The following PCDHGB3 variants were observed in gnomAD, a reference collection of about 807,000 sequenced individuals.
The protein encoded by PCDHGB3 is protocadherin gamma-B3.
PCDHGB3 carries 40 observed loss-of-function variants against 59.2 expected under a neutral mutation model. The observed-to-expected ratio is 0.68, with a 90% CI of 0.52 to 0.88. PCDHGB3 has a LOEUF of 0.88. Among genes scored for constraint, PCDHGB3 ranks in the 40% least tolerant of loss-of-function variants. The pLI is 0.00. For missense variants in PCDHGB3, 1,309 were observed against 1,187.9 expected (o/e 1.10, Z -1.50); for synonymous variants, 581 against 503.6 (o/e 1.15, Z -2.06).
intron 1 of PCDHGB3, chr5:141,428,285 C>G (rs765814584): frequency 1.1e-5 from 8 of 734,934 alleles, no homozygotes; most frequent in Non-Finnish European, 1.7e-5. Context: ...GATTCCCAAG[C>G]AAAGCTGCAG....
At chr5:141,418,904 A>C (rs2096300166) in intron 1 of PCDHGB3, 1 of 1,613,998 alleles carries the variant, frequency 6.2e-7, no homozygotes, top group Admixed American at 1.7e-5. Context: ...AGAAATAATC[A>C]TCACGTCACT....
chr5:141,441,631 C>A, intron 1 of PCDHGB3: 2 of 226,308 alleles, frequency 8.8e-6, no homozygotes, highest in Non-Finnish European at 1.8e-5. Context: ...GACCTGGAGC[C>A]ACAGGCGCTG....
At chr5:141,419,576 G>A (rs958064613) in intron 1 of PCDHGB3, 10 of 1,611,766 alleles carry the variant, frequency 6.2e-6, no homozygotes, top group Non-Finnish European at 6.8e-6. Flanking sequence ...CGACGGCTCC[G>A]CGCTCTTCGA....
In PCDHGB3 at chr5:141,431,183, A is replaced by G. The variant is rs1467232519; in HGVS notation, c.2415+58374A>G. Reference sequence around the variant, plus strand: ...TCGTGAAAGTGAATTAGAAATAAAAATTAGTGAAAATGCAGCCACTGAGAT... The same window carrying G: ...TCGTGAAAGTGAATTAGAAATAAAAGTTAGTGAAAATGCAGCCACTGAGAT... On this transcript the variant is annotated intron_variant, in intron 1 of 3. Transcript: ENST00000576222. The surrounding 1 kb of genome is among the most constrained non-coding windows in gnomAD (Gnocchi z 4.8). 1 of 1,614,218 alleles carries G rather than the reference A, an allele frequency of 6.2e-7. No individual in the cohort carries two copies. The highest frequency in any genetic ancestry group is 2.2e-5 in the East Asian group (1 of 44,880).
chr5:141,394,211 G>A, intron 1 of PCDHGB3: 1 of 1,613,888 alleles, frequency 6.2e-7, no homozygotes, highest in Non-Finnish European at 8.5e-7. Flanking sequence ...AGAACAACCT[G>A]AGAGGAGCCT....
rs774774450 is a variant in PCDHGB3, at chr5:141,398,863, G to A, written c.2415+26054G>A. The A allele has an allele frequency of 2.5e-6, 4 of 1,613,868 alleles. No homozygotes were observed. The highest frequency in any genetic ancestry group is 2.7e-5 in the African/African-American group (2 of 74,928). ...TAATCCCCCGGTATTCAACCGAGACGTGTACAGAGTCAGCCTTCGGGAAAA... is the reference window on the plus strand; with the variant it reads ...TAATCCCCCGGTATTCAACCGAGACATGTACAGAGTCAGCCTTCGGGAAAA... On this transcript the variant is annotated intron_variant, in intron 1 of 3. Transcript: ENST00000576222.
rs61612330 is a variant in PCDHGB3, at chr5:141,454,796, A to ATTTTTTTTTTTTTTTTTTTTTTT, written c.2416-40004_2416-39982dup. Among the ~76,000 whole-genome samples, 6 of 77,456 alleles carry ATTTTTTTTTTTTTTTTTTTTTTT rather than the reference A, an allele frequency of 7.7e-5. 1 individual carries two copies. The highest frequency in any genetic ancestry group is 8.0e-4 in the East Asian group (2 of 2,512). 50.8% of individuals were successfully genotyped at this position (77,456 alleles called of 152,430 possible). Reference sequence around the variant, plus strand: ...AAGGAAATAATCCTCCATGGTTCTAATTTTTTTTTTTTTTTTTTTTTTTTT... The same window carrying ATTTTTTTTTTTTTTTTTTTTTTT: ...AAGGAAATAATCCTCCATGGTTCTAATTTTTTTTTTTTTTTTTTTTTTTTTTTTTTTTTTTTTTTTTTTTTTTT... On this transcript the variant is annotated intron_variant, in intron 1 of 3. Transcript: ENST00000576222.
intron 1 of PCDHGB3, chr5:141,484,853 G>T (rs747582810): frequency 2.5e-4 from 64 of 251,466 alleles, no homozygotes; most frequent in Non-Finnish European, 4.3e-4. Flanking sequence ...GGGTTTTTTG[G>T]GGGGTGGGGG....
At chr5:141,408,974 G>T (rs899313364) in intron 1 of PCDHGB3, 1 of 1,613,690 alleles carries the variant, frequency 6.2e-7, no homozygotes, top group South Asian at 1.1e-5. Flanking sequence ...TCTGCCCCCT[G>T]GGTCCCCTGT....
intron 1 of PCDHGB3, chr5:141,389,522 G>A: frequency 6.2e-7 from 1 of 1,613,178 alleles, no homozygotes; most frequent in Non-Finnish European, 8.5e-7. Context: ...ACGTGAGCCT[G>A]CGCGTGTTAG....
intron 1 of PCDHGB3, chr5:141,384,509 G>T: frequency 6.2e-7 from 1 of 1,614,176 alleles, no homozygotes; most frequent in Non-Finnish European, 8.5e-7. Flanking sequence ...GCACATGACA[G>T]CGGGGACCCG....
chr5:141,426,898 C>G (rs1246109323), intron 1 of PCDHGB3: 3 of 456,634 alleles, frequency 6.6e-6, no homozygotes, highest in Admixed American at 4.7e-5. Context: ...CAACAGAGCT[C>G]TCATCTCCTG....
chr5:141,381,417 G>A (rs954058342), intron 1 of PCDHGB3, among the ~76,000 whole-genome samples: 1 of 152,214 alleles, frequency 6.6e-6, no homozygotes, highest in Admixed American at 6.5e-5. Context: ...GTGGAGAGAC[G>A]AGTACCTCTA....
chr5:141,422,750 T>C (rs778578440), intron 1 of PCDHGB3: 4 of 1,611,900 alleles, frequency 2.5e-6, no homozygotes, highest in Non-Finnish European at 3.4e-6. Flanking sequence ...TATGTCTCTA[T>C]TAACTCCAAC....
In PCDHGB3 at chr5:141,472,994, A is replaced by G. The variant is rs188075835; in HGVS notation, c.2416-21813A>G. Among the ~76,000 whole-genome samples, 1,141 of 151,802 alleles carry G rather than the reference A, an allele frequency of 7.5e-3. 5 individuals carry two copies. The highest frequency in any genetic ancestry group is 0.017 in the Middle Eastern group (5 of 294). ...AGAGTGAAACTCAAAAAAAAAAAAA[A>G]AAAGAAAGAAAAAGAAAAAGAAAGA... On this transcript the variant is annotated intron_variant, in intron 1 of 3. Transcript: ENST00000576222.
At chr5:141,496,268 G>T (rs1237681971) in intron 2 of PCDHGB3, among the ~76,000 whole-genome samples, 1 of 152,208 alleles carries the variant, frequency 6.6e-6, no homozygotes, top group Non-Finnish European at 1.5e-5. Flanking sequence ...TCAGCAGAAA[G>T]ACCTTCAGTT....
At chr5:141,409,516 C>T (rs1303826331) in intron 1 of PCDHGB3, 6 of 1,614,006 alleles carry the variant, frequency 3.7e-6, no homozygotes, top group South Asian at 1.1e-5. Context: ...GTAGAAGCAT[C>T]ACCTTGTATG....
At chr5:141,488,687 GA>G (rs1238909682) in intron 1 of PCDHGB3, among the ~76,000 whole-genome samples, 1 of 152,192 alleles carries the variant, frequency 6.6e-6, no homozygotes, top group East Asian at 1.9e-4. Flanking sequence ...GCCTCTCCCA[GA>G]AGGACAAGAT....
chr5:141,497,509 C>T (rs1282025317), intron 2 of PCDHGB3, among the ~76,000 whole-genome samples: 1 of 151,184 alleles, frequency 6.6e-6, no homozygotes, highest in Non-Finnish European at 1.5e-5. Flanking sequence ...CTCTCTGCTT[C>T]CTTAGTTAAC....
Sources: gnomAD v4.1 joint callset for allele counts (sites outside exome capture counted in the v4.1 genomes callset) on GRCh38, gnomAD v4.1.1 for gene constraint, Gnocchi (gnomAD v3.1) non-coding constraint, MANE v1.5 for transcripts, NCBI Gene and HGNC (gene_info 2026-07-23, HGNC 2026-07-21) for gene names.